The following BOC variants were observed in gnomAD, a reference collection of about 807,000 sequenced individuals.
BOC encodes BOC cell adhesion associated, oncogene regulated, also known as brother of CDO.
BOC carries 76 observed loss-of-function variants against 112.0 expected under a neutral mutation model. The observed-to-expected ratio is 0.68, with a 90% CI of 0.56 to 0.82. The LOEUF is 0.82. Ranked by LOEUF, BOC falls within the 40% of genes least tolerant of loss-of-function variation. BOC has a pLI of 0.00. For synonymous variants in BOC, 580 were observed against 599.8 expected, an observed-to-expected ratio of 0.97 and a Z score of 0.48; for missense variants, 1,309 against 1,511.7, an observed-to-expected ratio of 0.87 and a Z score of 2.22.
chr3:113,213,439 C>T (rs1938657739), intron 1 of BOC, among the ~76,000 whole-genome samples: 1 of 152,206 alleles, frequency 6.6e-6, no homozygotes, highest in African/African-American at 2.4e-5. Context: ...CTTAAACAGG[C>T]AGCCCAGCTC....
chr3:113,225,805 C>T (rs541984589), intron 2 of BOC, among the ~76,000 whole-genome samples: 7 of 152,364 alleles, frequency 4.6e-5, no homozygotes, highest in African/African-American at 1.4e-4. Context: ...GCCTGGAAGG[C>T]TGTAACGGTG....
At chr3:113,224,491 A>G (rs887538873) in intron 2 of BOC, among the ~76,000 whole-genome samples, 1 of 149,038 alleles carries the variant, frequency 6.7e-6, no homozygotes. Flanking sequence ...AAGGCATAGA[A>G]TGAGGAATCT....
intron 4 of BOC, among the ~76,000 whole-genome samples, chr3:113,254,499 G>C (rs772521607): frequency 6.6e-6 from 1 of 152,340 alleles, no homozygotes; most frequent in African/African-American, 2.4e-5. Flanking sequence ...GTTTCTGAAA[G>C]CACATTCCTG....
chr3:113,266,352 T>G (rs1947480611), intron 4 of BOC, among the ~76,000 whole-genome samples: 2 of 152,240 alleles, frequency 1.3e-5, no homozygotes, highest in South Asian at 4.1e-4. Context: ...AACACATCAC[T>G]CCTTGAATAG....
At chr3:113,242,443 G>A (rs983757755) in intron 2 of BOC, among the ~76,000 whole-genome samples, 12 of 152,148 alleles carry the variant, frequency 7.9e-5, no homozygotes, top group Admixed American at 6.5e-4. Context: ...GATTAGACGT[G>A]TTTTAGCAGA....
chr3:113,286,905 T>TA lies in BOC; in HGVS notation c.*43_*44insA, dbSNP rs755723850. On this transcript the variant is annotated 3_prime_UTR_variant, in exon 20 of 20. Coordinates refer to ENST00000682979, the MANE Select transcript of BOC (RefSeq NM_001378074.1). Reference sequence around the variant, plus strand: ...AGAAAGACTATATATTGTTTTTTTTTTAAAAAAAAAAAGAAGAAAAAAGAG... The same window carrying TA: ...AGAAAGACTATATATTGTTTTTTTTTATAAAAAAAAAAAGAAGAAAAAAGAG... 696 of 1,465,122 alleles carry TA rather than the reference T, an allele frequency of 4.8e-4. No homozygotes were observed. Among genetic ancestry groups the TA allele is most frequent in the South Asian group, 6.5e-4 (48 of 74,172 alleles). The allele number at this position is 1,465,122 out of a possible 1,614,324, so 90.8% of individuals were successfully genotyped here. A position where few individuals can be genotyped will look rare whatever the true frequency, so the allele number is the denominator to read the frequency against.
intron 2 of BOC, among the ~76,000 whole-genome samples, chr3:113,249,073 T>C (rs902493496): frequency 3.3e-5 from 5 of 152,110 alleles, no homozygotes; most frequent in African/African-American, 1.2e-4. Context: ...TGGGAGTAGA[T>C]GTTATGGACA....
At position 113,222,567 on chromosome 3, in the gene BOC, G is replaced by A. The variant is rs144770612; in HGVS notation, c.-82+6293G>A. ...AAGGTAACTGCCCTCAGGAATGTCCGTGGGTGTACCGGTTGCTCCGTGTCG... is the reference window on the plus strand; with the variant it reads ...AAGGTAACTGCCCTCAGGAATGTCCATGGGTGTACCGGTTGCTCCGTGTCG... On this transcript the variant is annotated intron_variant, in intron 2 of 19. Coordinates refer to ENST00000682979, the MANE Select transcript of BOC (RefSeq NM_001378074.1). Among the ~76,000 whole-genome samples the A allele has an allele frequency of 2.6e-4, 39 of 152,310 alleles. 1 individual carries two copies. The East Asian group carries it at 5.4e-3, about 21-fold the overall frequency.
chr3:113,246,621 A>G (rs1944949622), intron 2 of BOC, among the ~76,000 whole-genome samples: 1 of 152,166 alleles, frequency 6.6e-6, no homozygotes, highest in Non-Finnish European at 1.5e-5. Flanking sequence ...TTATGTATTT[A>G]TAATTTTATT....
chr3:113,255,931 T>C (rs1946181491), intron 4 of BOC, among the ~76,000 whole-genome samples: 1 of 152,206 alleles, frequency 6.6e-6, no homozygotes, highest in South Asian at 2.1e-4. Flanking sequence ...AAATTCTGGG[T>C]TTAAGCCTTA....
chr3:113,271,092 C>G, intron 6 of BOC, 148 bp downstream of exon 6: 1 of 1,184,878 alleles, frequency 8.4e-7, no homozygotes, highest in East Asian at 2.4e-5. Context: ...GCCAGGGGTT[C>G]TCAGCCAGGG....
Position 113,278,690 on chromosome 3 carries a change from G to A in BOC, c.1723G>A (p.Glu575Lys), listed in dbSNP as rs368398091. The change falls in exon 11 of 20, where the codon GAG becomes AAG. Residue 575 changes from glutamate to lysine, a missense_variant. Coordinates refer to ENST00000682979, the MANE Select transcript of BOC (RefSeq NM_001378074.1). The surrounding 1 kb of genome is among the most constrained non-coding windows in gnomAD (Gnocchi z 4.2). Reference sequence around the variant, plus strand: ...CCACCCAGGACGGCGGCCCAAACCCGAGATCATGGCCAGCAAAGAGCAGCA... The same window carrying A: ...CCACCCAGGACGGCGGCCCAAACCCAAGATCATGGCCAGCAAAGAGCAGCA... ...TFRTGRRPKP[E>K]IMASKEQQIQ... 8.3e-6 allele frequency: 13 copies of A among 1,565,482 alleles called. 1 individual carries two copies. Among genetic ancestry groups the A allele is most frequent in the South Asian group, 4.7e-5 (4 of 85,004 alleles).
chr3:113,234,975 C>T (rs748658558), intron 2 of BOC, among the ~76,000 whole-genome samples: 1 of 152,132 alleles, frequency 6.6e-6, no homozygotes, highest in Non-Finnish European at 1.5e-5. Flanking sequence ...AGTCAGTGTT[C>T]CAGTCTTCCT....
chr3:113,257,772 C>T (rs924923222), intron 4 of BOC, among the ~76,000 whole-genome samples: 1 of 152,156 alleles, frequency 6.6e-6, no homozygotes, highest in Admixed American at 6.5e-5. Context: ...CAACTTAATG[C>T]ATTCTATTTC....
intron 2 of BOC, among the ~76,000 whole-genome samples, chr3:113,241,053 T>C (rs138717107): frequency 1.4e-3 from 219 of 152,018 alleles, no homozygotes; most frequent in Non-Finnish European, 2.5e-3. Context: ...CCTGTAGGGG[T>C]TTATTTCTAA....
Position 113,281,168 on chromosome 3 carries a change from G to C in BOC, c.2434+15G>C, listed in dbSNP as rs376359469. 9.9e-6 allele frequency: 16 copies of C among 1,613,710 alleles called. No individual in the cohort carries two copies. Among genetic ancestry groups the C allele is most frequent in the Middle Eastern group, 1.6e-4 (1 of 6,084 alleles). ...TGAGACCAAAGGTGAAGCTCTTTGG[G>C]TTCTCTCTCCTGTCTTGGTGTTTCC... On this transcript the variant is annotated intron_variant, in intron 15 of 19. Coordinates refer to ENST00000682979, the MANE Select transcript of BOC (RefSeq NM_001378074.1).
chr3:113,272,641 TGGCC>T lies in BOC; in HGVS notation c.901_904del (p.Ala301ThrfsTer56). ...GAGGACTCAGGCACCTACCGCTGCA[TGGCC>T]GACAATGGGGTTGGGCAGCCCGGGG... On this transcript the variant is annotated frameshift_variant, in exon 7 of 20. Transcript: ENST00000682979. LOFTEE classifies it high-confidence loss of function. 1.2e-6 allele frequency: 2 copies of T among 1,613,986 alleles called. No individual in the cohort carries two copies. Among genetic ancestry groups the T allele is most frequent in the Non-Finnish European group, 1.7e-6 (2 of 1,179,996 alleles).
intron 4 of BOC, among the ~76,000 whole-genome samples, chr3:113,254,410 G>A (rs1035893675): frequency 1.3e-5 from 2 of 152,194 alleles, no homozygotes; most frequent in Admixed American, 1.3e-4. Context: ...GCGGGAAGGT[G>A]GGTGGGGGCA....
In BOC at chr3:113,281,026, C is replaced by G. The variant is rs1949149137; in HGVS notation, c.2312-5C>G. The stretch of plus-strand genomic sequence containing the variant: ...CATGCACCATTCTCTGACTCTGTTT[C>G]CCAGGGGACAAGTACTGGCACTCCA... On this transcript the variant is annotated splice_region_variant and splice_polypyrimidine_tract_variant and intron_variant, in intron 14 of 19. Coordinates refer to ENST00000682979, the MANE Select transcript of BOC (RefSeq NM_001378074.1). 1.2e-6 allele frequency: 2 copies of G among 1,613,714 alleles called. No homozygotes were observed. The highest frequency in any genetic ancestry group is 1.7e-6 in the Non-Finnish European group (2 of 1,180,004).
Sources: allele counts gnomAD v4.1 joint callset (sites outside exome capture counted in the v4.1 genomes callset), GRCh38; gene constraint gnomAD v4.1.1; non-coding constraint Gnocchi (gnomAD v3.1); transcripts MANE v1.5; gene names NCBI Gene and HGNC (gene_info 2026-07-23, HGNC 2026-07-21).